The following ASCC3 variants were observed in gnomAD, a reference collection of about 807,000 sequenced individuals.
The protein encoded by ASCC3 is activating signal cointegrator 1 complex subunit 3.
ASCC3 carries 158 observed loss-of-function variants against 256.3 expected under a neutral mutation model. The ratio of observed to expected loss-of-function variants is 0.62; its 90% CI spans 0.54 to 0.70. The LOEUF (loss-of-function observed/expected upper bound fraction) is 0.70, where lower values mean the gene tolerates loss of function less well. ASCC3 is among the 30% of genes least tolerant of loss of function. The pLI is 0.00. For synonymous variants in ASCC3, 948 were observed against 883.4 expected (o/e 1.07, Z -1.30); for missense variants, 2,259 against 2,626.0 (o/e 0.86, Z 3.05).
intron 36 of ASCC3, among the ~76,000 whole-genome samples, chr6:100,559,976 T>C (rs1269695476): frequency 6.6e-6 from 1 of 152,082 alleles, no homozygotes; most frequent in Non-Finnish European, 1.5e-5. Context: ...GGGAAACAAG[T>C]GTCACGTGGA....
Position 100,747,235 on chromosome 6 carries a change from A to G in ASCC3, c.1737+19330T>C, listed in dbSNP as rs570291802. On this transcript the variant is annotated intron_variant, in intron 10 of 41. Coordinates refer to ENST00000369162, the MANE Select transcript of ASCC3 (RefSeq NM_006828.4). ...TACTACACACCAACTAGAATAACTA[A>G]AATTACAAAGAGTACTCATACAAGT... 2.0e-5 allele frequency among the ~76,000 whole-genome samples: 3 copies of G among 152,230 alleles called. No individual in the cohort carries two copies. In the South Asian group the frequency reaches 6.2e-4, roughly 32 times the overall value.
intron 8 of ASCC3, among the ~76,000 whole-genome samples, chr6:100,786,059 G>A (rs532673145): frequency 6.6e-6 from 1 of 152,180 alleles, no homozygotes; most frequent in South Asian, 2.1e-4. Context: ...TGAATGTTTA[G>A]GAAGACTGAA....
At chr6:100,818,748 C>CAAAAAA (rs56668191) in intron 4 of ASCC3, among the ~76,000 whole-genome samples, 118 of 58,116 alleles carry the variant, frequency 2.0e-3, no homozygotes, top group African/African-American at 2.7e-3. Context: ...AGGCAAAAGC[C>CAAAAAA]AAAAAAAAAA....
intron 39 of ASCC3, 132 bp downstream of exon 39, chr6:100,516,048 A>G (rs113562780): frequency 1.9e-6 from 2 of 1,077,424 alleles, no homozygotes; most frequent in African/African-American, 1.6e-5. Context: ...GTTCATAATC[A>G]TAGTAGTAAA....
chr6:100,732,729 G>C (rs1348074877), intron 10 of ASCC3, among the ~76,000 whole-genome samples: 1 of 152,072 alleles, frequency 6.6e-6, no homozygotes, highest in Non-Finnish European at 1.5e-5. Context: ...GGAGAAATGT[G>C]GTCCAAACTC....
chr6:100,690,544 C>A (rs971252879), intron 13 of ASCC3, among the ~76,000 whole-genome samples: 1 of 152,072 alleles, frequency 6.6e-6, no homozygotes, highest in African/African-American at 2.4e-5. Flanking sequence ...TGTATCAATT[C>A]GCATTTAACA....
chr6:100,659,314 C>T (rs1348311853), intron 16 of ASCC3, among the ~76,000 whole-genome samples: 1 of 151,434 alleles, frequency 6.6e-6, no homozygotes, highest in Non-Finnish European at 1.5e-5. Flanking sequence ...TTGATTTCCA[C>T]AGATAGCCAA....
chr6:100,847,352 A>G (rs2114501127), intron 4 of ASCC3, among the ~76,000 whole-genome samples: 1 of 152,252 alleles, frequency 6.6e-6, no homozygotes, highest in Non-Finnish European at 1.5e-5. Context: ...TAAAAATTAA[A>G]CCAAGTGTAA....
intron 8 of ASCC3, among the ~76,000 whole-genome samples, chr6:100,784,311 A>G (rs1177304109): frequency 6.6e-6 from 1 of 152,144 alleles, no homozygotes; most frequent in Non-Finnish European, 1.5e-5. Flanking sequence ...GGTAATGTTT[A>G]TATCTTCAAA....
At chr6:100,724,442 G>A (rs1386349675) in intron 11 of ASCC3, among the ~76,000 whole-genome samples, 1 of 151,858 alleles carries the variant, frequency 6.6e-6, no homozygotes, top group Non-Finnish European at 1.5e-5. Flanking sequence ...TGAGGGATAG[G>A]TTTAAGGAAA....
Position 100,602,032 on chromosome 6 carries a change from A to C in ASCC3, c.5178-97T>G, listed in dbSNP as rs931358415. On this transcript the variant is annotated intron_variant, in intron 33 of 41. Coordinates refer to ENST00000369162, the MANE Select transcript of ASCC3 (RefSeq NM_006828.4). ...GTCAAGATTCAGATTTTATGTTCTA[A>C]GATAAAAACAAATTTGTTTTATATA... The C allele has an allele frequency of 5.2e-6, 7 of 1,351,542 alleles. No individual in the cohort carries two copies. In the African/African-American group the frequency reaches 1.0e-4, roughly 20 times the overall value. The allele number at this position is 1,351,542 out of a possible 1,614,324, so 83.7% of individuals were successfully genotyped here.
At chr6:100,701,003 C>A (rs186511835) in intron 13 of ASCC3, among the ~76,000 whole-genome samples, 1 of 152,124 alleles carries the variant, frequency 6.6e-6, no homozygotes, top group East Asian at 1.9e-4. Flanking sequence ...TTGGGAGGGG[C>A]CAGGGTGGAA....
chr6:100,800,524 A>C lies in ASCC3; in HGVS notation c.923-20T>G. 1 of 1,540,784 alleles carries C rather than the reference A, an allele frequency of 6.5e-7. No homozygotes were observed. Among genetic ancestry groups the C allele is most frequent in the Non-Finnish European group, 8.9e-7 (1 of 1,121,516 alleles). On this transcript the variant is annotated intron_variant, in intron 5 of 41. Transcript: ENST00000369162. ...AATTGTCTAAGAAGCAAATTTAAGA[A>C]ACACAATGTTTTATAAATCTGAATA...
rs772206469 is a variant in ASCC3, at chr6:100,800,412, G to C, written c.1015C>G (p.Gln339Glu). ...QSEQEKQLMK[Q>E]YRREEKRIAR... ...ATTCTTTTTTCTTCACGTCGATATT[G>C]TTTCATTAACTGCTTTTCTTGTTCA... The change falls in exon 6 of 42, where the codon CAA becomes GAA. Residue 339 changes from glutamine (Q) to glutamate (E), a missense_variant. This residue lies in a region of ASCC3 where 420 missense variants were observed against 419.3 expected (regional missense o/e 1.00). Coordinates refer to ENST00000369162, the MANE Select transcript of ASCC3 (RefSeq NM_006828.4). 5.6e-6 allele frequency: 9 copies of C among 1,612,298 alleles called. No homozygotes were observed. In the African/African-American group the frequency reaches 1.2e-4, roughly 22 times the overall value.
intron 30 of ASCC3, among the ~76,000 whole-genome samples, chr6:100,608,118 C>CTATATATACATATATATGTATATATATG (rs1562161172): frequency 4.3e-5 from 1 of 23,350 alleles, no homozygotes; most frequent in Non-Finnish European, 9.3e-5. Flanking sequence ...GTATATATAT[C>CTATATATACATATATATGTATATATATG]TATATATACA....
chr6:100,572,020 T>G (rs1770615994), intron 36 of ASCC3, among the ~76,000 whole-genome samples: 2 of 152,200 alleles, frequency 1.3e-5, no homozygotes, highest in African/African-American at 4.8e-5. Context: ...TTTCTGCACA[T>G]GGACTATTGA....
rs984758644 is a variant in ASCC3, at chr6:100,794,345, A to G, written c.1395+4368T>C. 2.0e-5 allele frequency among the ~76,000 whole-genome samples: 3 copies of G among 152,104 alleles called. No homozygotes were observed. In the South Asian group the frequency reaches 6.2e-4, roughly 31 times the overall value. On this transcript the variant is annotated intron_variant, in intron 8 of 41. Coordinates refer to ENST00000369162, the MANE Select transcript of ASCC3 (RefSeq NM_006828.4). Reference sequence around the variant, plus strand: ...CTCTCCACATATGGCCTACATGCTAATAAGACTGAAGTGCTTGATGTCCAA... The same window carrying G: ...CTCTCCACATATGGCCTACATGCTAGTAAGACTGAAGTGCTTGATGTCCAA...
intron 3 of ASCC3, chr6:100,859,310 T>C (rs1773112015): frequency 2.6e-6 from 2 of 764,108 alleles, no homozygotes; most frequent in Admixed American, 3.5e-5. Flanking sequence ...TCTGATATAG[T>C]CAAACAAATT....
chr6:100,868,238 A>T (rs1472120314), intron 1 of ASCC3, among the ~76,000 whole-genome samples, 200 bp from the exon 2 acceptor site: 1 of 152,258 alleles, frequency 6.6e-6, no homozygotes, highest in Non-Finnish European at 1.5e-5. Context: ...GGTTGGAGAA[A>T]GGAAAAAGAA....
Sources: gnomAD v4.1 joint callset for allele counts (sites outside exome capture counted in the v4.1 genomes callset) on GRCh38, gnomAD v4.1.1 for gene constraint, gnomAD v4.1.1 regional missense constraint, MANE v1.5 for transcripts, NCBI Gene and HGNC (gene_info 2026-07-23, HGNC 2026-07-21) for gene names.